Variants in SPAG16 observed in about 807,000 individuals in gnomAD.
The protein encoded by SPAG16 is sperm associated antigen 16.
Under a neutral mutation model 80.4 loss-of-function variants are expected in SPAG16, and 86 were observed. The observed-to-expected ratio is 1.07, with a 90% CI of 0.90 to 1.28. SPAG16 has a LOEUF of 1.28. Ranked by LOEUF, SPAG16 falls within the 50% of genes most tolerant of loss-of-function variation. SPAG16 has a pLI of 0.00. For synonymous variants in SPAG16, 294 were observed against 265.9 expected, an observed-to-expected ratio of 1.11 and a Z score of -1.03; for missense variants, 870 against 765.3, an observed-to-expected ratio of 1.14 and a Z score of -1.61.
intron 12 of SPAG16, among the ~76,000 whole-genome samples, chr2:213,941,562 A>C (rs1275614215): frequency 6.6e-6 from 1 of 152,176 alleles, no homozygotes; most frequent in East Asian, 1.9e-4. Context: ...TCCAGTAGGC[A>C]AAACAATGAG....
At chr2:213,542,038 C>T (rs1358839250) in intron 10 of SPAG16, among the ~76,000 whole-genome samples, 1 of 152,078 alleles carries the variant, frequency 6.6e-6, no homozygotes, top group African/African-American at 2.4e-5. Context: ...TAGACAAATT[C>T]TCAATATTAA....
At chr2:214,134,855 G>A (rs1213949147) in intron 14 of SPAG16, among the ~76,000 whole-genome samples, 2 of 152,106 alleles carry the variant, frequency 1.3e-5, no homozygotes, top group Non-Finnish European at 2.9e-5. Context: ...CAGAAACTTT[G>A]GAATTTTTAC....
chr2:214,325,453 G>C (rs1696407646), intron 15 of SPAG16, among the ~76,000 whole-genome samples: 2 of 152,188 alleles, frequency 1.3e-5, no homozygotes, highest in Non-Finnish European at 2.9e-5. Context: ...TTGGGGGTTA[G>C]TGGGTTGGTT....
rs112618438 is a variant in SPAG16, at chr2:213,529,365, G to C, written c.1070+39275G>C. On this transcript the variant is annotated intron_variant, in intron 10 of 15. Coordinates refer to ENST00000331683, the MANE Select transcript of SPAG16 (RefSeq NM_024532.5). ...TTTGCTGATTTCTGTATTAAACCCT[G>C]CATTATGGCTGATTTTGAGCTATCA... Among the ~76,000 whole-genome samples, 122 of 152,226 alleles carry C rather than the reference G, an allele frequency of 8.0e-4. 2 individuals carry two copies. Among genetic ancestry groups the C allele is most frequent in the Middle Eastern group, 3.4e-3 (1 of 294 alleles).
chr2:213,592,179 C>T (rs2060716311), intron 10 of SPAG16, among the ~76,000 whole-genome samples: 1 of 152,224 alleles, frequency 6.6e-6, no homozygotes, highest in African/African-American at 2.4e-5. Context: ...ACCAGCAGAA[C>T]TATAACAGAA....
chr2:213,719,963 T>G (rs2066440179), intron 10 of SPAG16, among the ~76,000 whole-genome samples: 1 of 152,084 alleles, frequency 6.6e-6, no homozygotes, highest in East Asian at 1.9e-4. Context: ...ATAGACTGGA[T>G]AAAGAAAATG....
chr2:213,423,847 G>A (rs1041733663), intron 9 of SPAG16, among the ~76,000 whole-genome samples: 8 of 151,906 alleles, frequency 5.3e-5, no homozygotes, highest in East Asian at 1.9e-4. Context: ...CTTTTTTCTC[G>A]TCTGCAATAG....
At chr2:213,895,566 A>G (rs2076961729) in intron 11 of SPAG16, among the ~76,000 whole-genome samples, 1 of 152,174 alleles carries the variant, frequency 6.6e-6, no homozygotes, top group Non-Finnish European at 1.5e-5. Context: ...AGACTCATAA[A>G]CCAATGGAAC....
chr2:213,975,304 G>A (rs899367804), intron 12 of SPAG16, among the ~76,000 whole-genome samples: 3 of 151,024 alleles, frequency 2.0e-5, no homozygotes, highest in Admixed American at 2.0e-4. Flanking sequence ...TGAAATGTTA[G>A]TATCAAAATT....
intron 10 of SPAG16, among the ~76,000 whole-genome samples, chr2:213,591,008 C>T (rs1031788306): frequency 2.0e-5 from 3 of 152,162 alleles, no homozygotes; most frequent in African/African-American, 4.8e-5. Flanking sequence ...ATGGATGCAG[C>T]TGGAGGCCAC....
chr2:213,461,348 A>T (rs1350442348), intron 9 of SPAG16, among the ~76,000 whole-genome samples: 3 of 152,198 alleles, frequency 2.0e-5, no homozygotes, highest in Non-Finnish European at 4.4e-5. Context: ...GGCTTGAGTT[A>T]TCCCTATGGA....
intron 10 of SPAG16, among the ~76,000 whole-genome samples, chr2:213,547,780 A>T (rs1276766894): frequency 2.0e-5 from 3 of 152,172 alleles, no homozygotes; most frequent in African/African-American, 7.2e-5. Context: ...GGATTCATTT[A>T]TATGCAAACA....
intron 15 of SPAG16, among the ~76,000 whole-genome samples, chr2:214,356,424 CA>C (rs35605993): frequency 0.49 from 74,215 of 151,512 alleles, 21,781 homozygotes; most frequent in South Asian, 0.67. Context: ...CATAATTTAT[CA>C]ATCTTCTCTC....
In SPAG16 at chr2:214,146,844, C is replaced by CA. The variant is rs1228899660; in HGVS notation, c.1594-2290dup. On this transcript the variant is annotated intron_variant, in intron 14 of 15. Coordinates refer to ENST00000331683, the MANE Select transcript of SPAG16 (RefSeq NM_024532.5). ...TGAAACCCCGTCTCTACTAAAAATA[C>CA]AAAAAATTAGCCGGGTGTGGTGGCA... Among the ~76,000 whole-genome samples the CA allele has an allele frequency of 3.3e-5, 5 of 151,860 alleles. No homozygotes were observed. In the East Asian group the frequency reaches 7.8e-4, roughly 24 times the overall value.
At chr2:213,495,548 A>T (rs566936374) in intron 10 of SPAG16, among the ~76,000 whole-genome samples, 1 of 152,380 alleles carries the variant, frequency 6.6e-6, no homozygotes, top group South Asian at 2.1e-4. Flanking sequence ...TTAACTAACT[A>T]GACAGAAATC....
Position 214,273,673 on chromosome 2 carries a change from G to A in SPAG16, c.1720+124407G>A, listed in dbSNP as rs777366817. Reference sequence around the variant, plus strand: ...GGTCTATGTATCTGTTTTGATACCAGTACCATGCTGTTTTGGTTACTGTAC... The same window carrying A: ...GGTCTATGTATCTGTTTTGATACCAATACCATGCTGTTTTGGTTACTGTAC... On this transcript the variant is annotated intron_variant, in intron 15 of 15. Coordinates refer to ENST00000331683, the MANE Select transcript of SPAG16 (RefSeq NM_024532.5). Among the ~76,000 whole-genome samples the A allele has an allele frequency of 3.9e-4, 60 of 152,244 alleles. 1 individual carries two copies. Among genetic ancestry groups the A allele is most frequent in the East Asian group, 1.9e-4 (1 of 5,176 alleles).
At chr2:213,737,303 G>A (rs75911272) in intron 10 of SPAG16, among the ~76,000 whole-genome samples, 31,848 of 151,994 alleles carry the variant, frequency 0.21, 3,834 homozygotes, top group South Asian at 0.3. Context: ...TTGTGCATAC[G>A]TGTTTGCAGT....
intron 6 of SPAG16, among the ~76,000 whole-genome samples, chr2:213,348,784 G>A (rs563178275): frequency 3.9e-5 from 6 of 152,162 alleles, no homozygotes; most frequent in Admixed American, 2.0e-4. Flanking sequence ...TGACTAACCC[G>A]ACCTTTCTCT....
intron 10 of SPAG16, among the ~76,000 whole-genome samples, chr2:213,591,577 G>T (rs2060691861): frequency 6.6e-6 from 1 of 152,134 alleles, no homozygotes; most frequent in Non-Finnish European, 1.5e-5. Flanking sequence ...ATTAAAGAAT[G>T]ATAAGGCAGG....
Sources: gnomAD v4.1 joint callset for allele counts (sites outside exome capture counted in the v4.1 genomes callset) on GRCh38, gnomAD v4.1.1 for gene constraint, MANE v1.5 for transcripts, NCBI Gene and HGNC (gene_info 2026-07-23, HGNC 2026-07-21) for gene names.